The following NAV3 variants were observed in gnomAD, a reference collection of about 807,000 sequenced individuals.
NAV3 encodes pore membrane and/or filament interacting like protein 1.
A neutral mutation model predicts 244.7 loss-of-function variants in NAV3; 87 were observed. That is an observed-to-expected ratio of 0.36 (90% CI 0.30 to 0.42). The LOEUF is 0.42. Among genes scored for constraint, NAV3 ranks in the 20% least tolerant of loss-of-function variants. The pLI, the probability that NAV3 is intolerant of heterozygous loss-of-function variation, is 1.00. For synonymous variants in NAV3, 1,126 were observed against 1,042.2 expected (o/e 1.08, Z -1.55); for missense variants, 2,663 against 2,893.3 (o/e 0.92, Z 1.83).
intron 2 of NAV3, among the ~76,000 whole-genome samples, chr12:77,650,268 C>T (rs920115376): frequency 1.3e-5 from 2 of 152,090 alleles, no homozygotes; most frequent in African/African-American, 4.8e-5. Context: ...AAAGAAGAAG[C>T]ATGGGATGTT....
At chr12:77,816,317 G>A (rs1042602984) in intron 2 of NAV3, among the ~76,000 whole-genome samples, 4 of 152,140 alleles carry the variant, frequency 2.6e-5, no homozygotes, top group African/African-American at 9.7e-5. Flanking sequence ...AGCAGAAGGT[G>A]CATTTTTAGA....
At chr12:77,762,496 A>G (rs1377267555) in intron 2 of NAV3, among the ~76,000 whole-genome samples, 4 of 152,068 alleles carry the variant, frequency 2.6e-5, no homozygotes, top group East Asian at 3.9e-4. Context: ...CCAGCTACTC[A>G]GGAGGCTGTG....
intron 1 of NAV3, among the ~76,000 whole-genome samples, chr12:77,892,199 T>C (rs1364498660): frequency 1.3e-5 from 2 of 152,184 alleles, no homozygotes; most frequent in Non-Finnish European, 2.9e-5. Context: ...TGATCAAAGA[T>C]TGACTTATGT....
chr12:77,808,251 A>C (rs1425833344), intron 2 of NAV3, among the ~76,000 whole-genome samples: 2 of 152,072 alleles, frequency 1.3e-5, no homozygotes, highest in East Asian at 1.9e-4. Context: ...GGAGGAGAAG[A>C]AGCGTTCTGG....
At chr12:78,195,015 T>C (rs1367347820) in intron 34 of NAV3, among the ~76,000 whole-genome samples, 1 of 152,112 alleles carries the variant, frequency 6.6e-6, no homozygotes. Flanking sequence ...TATATGTATA[T>C]GCCTGACCTT....
intron 2 of NAV3, among the ~76,000 whole-genome samples, chr12:77,709,146 A>G (rs1169685930): frequency 1.3e-5 from 2 of 152,226 alleles, no homozygotes; most frequent in Non-Finnish European, 2.9e-5. Flanking sequence ...GGCTGGTTCA[A>G]CATATGCAAA....
intron 6 of NAV3, 112 bp downstream of exon 6, chr12:77,994,983 G>C (rs975625778): frequency 2.9e-6 from 2 of 698,442 alleles, no homozygotes; most frequent in Non-Finnish European, 4.6e-6. Flanking sequence ...GAGAAGTTTA[G>C]AGCACTAAAT....
rs959835148 is a variant in NAV3, at chr12:78,204,809, A to G, written c.6835-126A>G. ...TAAATCTGCAAAACTGTATACAGATACTTAATTCTCTTGAAAGTCCCTTAA... is the reference window on the plus strand; with the variant it reads ...TAAATCTGCAAAACTGTATACAGATGCTTAATTCTCTTGAAAGTCCCTTAA... On this transcript the variant is annotated intron_variant, in intron 38 of 39. Coordinates refer to ENST00000397909, the MANE Select transcript of NAV3 (RefSeq NM_001024383.2). 41 of 752,598 alleles carry G rather than the reference A, an allele frequency of 5.4e-5. 1 individual carries two copies. The African/African-American group carries it at 6.9e-4, about 13-fold the overall frequency. 46.6% of individuals were successfully genotyped at this position (752,598 alleles called of 1,614,324 possible).
At chr12:77,759,055 A>G (rs950572647) in intron 2 of NAV3, among the ~76,000 whole-genome samples, 1 of 152,218 alleles carries the variant, frequency 6.6e-6, no homozygotes, top group African/African-American at 2.4e-5. Context: ...TGTGGCTAGC[A>G]GCTGCCACAT....
chr12:77,659,286 A>T (rs1873304341), intron 2 of NAV3, among the ~76,000 whole-genome samples: 1 of 151,612 alleles, frequency 6.6e-6, no homozygotes, highest in Admixed American at 6.6e-5. Context: ...AACCCCATGA[A>T]AAAGTGGGTG....
At chr12:78,041,766 C>T (rs1880899008) in intron 9 of NAV3, among the ~76,000 whole-genome samples, 1 of 152,084 alleles carries the variant, frequency 6.6e-6, no homozygotes, top group Non-Finnish European at 1.5e-5. Context: ...GTTAAAGGGG[C>T]ACATTTGTTA....
chr12:77,914,384 T>C (rs2137082545), intron 1 of NAV3, among the ~76,000 whole-genome samples: 1 of 152,228 alleles, frequency 6.6e-6, no homozygotes, highest in East Asian at 1.9e-4. Context: ...GCTTCAGCTG[T>C]CCTCTGAGTT....
Position 78,168,757 on chromosome 12 carries a change from A to T in NAV3, c.4872A>T (p.Glu1624Asp), listed in dbSNP as rs1014193227. The T allele has an allele frequency of 6.2e-7, 1 of 1,601,142 alleles. No homozygotes were observed. Among genetic ancestry groups the T allele is most frequent in the Non-Finnish European group, 8.5e-7 (1 of 1,172,182 alleles). The part of the protein sequence containing the change: ...QSLTMTAEQK[E>D]SELIELRETI... The stretch of plus-strand genomic sequence containing the variant: ...TCCAAACTCTGTTTATTCCACAGGA[A>T]TCTGAACTTATAGAACTAAGAGAAA... The change falls in exon 24 of 40, where the codon GAA (glutamate) becomes GAT (aspartate). Residue 1624 changes from glutamate to aspartate, a missense_variant and splice_region_variant. Physicochemically the swap from Glu to Asp is conservative, Grantham distance 45. Around this residue, in one of 6 missense-constraint regions of NAV3, gnomAD observed 48 missense variants for 90.0 expected, o/e 0.53. Transcript: ENST00000397909.
At chr12:77,843,397 TTGTGTGTGTG>T (rs58382126) in intron 1 of NAV3, among the ~76,000 whole-genome samples, 16 of 147,830 alleles carry the variant, frequency 1.1e-4, no homozygotes, top group African/African-American at 3.8e-4. Context: ...TGTTAATCAT[TTGTGTGTGTG>T]TGTGTGTGTG....
intron 2 of NAV3, among the ~76,000 whole-genome samples, chr12:77,757,418 A>G (rs1303355151): frequency 6.6e-6 from 1 of 152,204 alleles, no homozygotes; most frequent in Non-Finnish European, 1.5e-5. Flanking sequence ...GCACGTTGAA[A>G]TGTGCCTTCT....
chr12:77,976,374 A>C (rs1450465248), intron 5 of NAV3, among the ~76,000 whole-genome samples: 25 of 152,148 alleles, frequency 1.6e-4, no homozygotes, highest in Admixed American at 1.6e-3. Context: ...TAGTTGAAGA[A>C]GAGAACTGAG....
At chr12:77,732,176 A>G (rs1877153669) in intron 2 of NAV3, among the ~76,000 whole-genome samples, 1 of 152,010 alleles carries the variant, frequency 6.6e-6, no homozygotes, top group African/African-American at 2.4e-5. Flanking sequence ...TTAATGGCCT[A>G]CTCAGCAGCC....
chr12:77,910,462 T>A lies in NAV3; in HGVS notation c.244-29857T>A, dbSNP rs140394312. Among the ~76,000 whole-genome samples the A allele has an allele frequency of 8.1e-4, 123 of 152,274 alleles. 1 individual carries two copies. The highest frequency in any genetic ancestry group is 1.1e-3 in the Non-Finnish European group (73 of 68,008). On this transcript the variant is annotated intron_variant, in intron 1 of 39. Coordinates refer to ENST00000397909, the MANE Select transcript of NAV3 (RefSeq NM_001024383.2). ...CCAAACACTTCCCATTAGGCCCTACTTCCAGTATTGGAGATCACATTTCAA... is the reference window on the plus strand; with the variant it reads ...CCAAACACTTCCCATTAGGCCCTACATCCAGTATTGGAGATCACATTTCAA...
intron 1 of NAV3, among the ~76,000 whole-genome samples, chr12:77,873,545 G>C (rs1203183187): frequency 6.6e-6 from 1 of 150,770 alleles, no homozygotes; most frequent in Non-Finnish European, 1.5e-5. Flanking sequence ...TCTGTTATAT[G>C]TAACTTTTTT....
Sources: allele counts gnomAD v4.1 joint callset (sites outside exome capture counted in the v4.1 genomes callset), GRCh38; gene constraint gnomAD v4.1.1; regional missense constraint gnomAD v4.1.1; transcripts MANE v1.5; gene names NCBI Gene and HGNC (gene_info 2026-07-23, HGNC 2026-07-21).